The following KIF13A variants were observed in gnomAD, a reference collection of about 807,000 sequenced individuals.
The protein encoded by KIF13A is kinesin-like protein KIF13A.
A neutral mutation model predicts 212.2 loss-of-function variants in KIF13A; 79 were observed. That is an observed-to-expected ratio of 0.37 (90% CI 0.31 to 0.45). KIF13A has a LOEUF of 0.45. Among genes scored for constraint, KIF13A ranks in the 20% least tolerant of loss-of-function variants. The pLI, the probability that KIF13A is intolerant of heterozygous loss-of-function variation, is 1.00. For synonymous variants in KIF13A, 789 were observed against 808.6 expected (o/e 0.98, Z 0.41); for missense variants, 1,901 against 2,209.0 (o/e 0.86, Z 2.79).
In KIF13A at chr6:17,883,628, T is replaced by A. The variant is rs1303520938; in HGVS notation, c.160-10191A>T. Among the ~76,000 whole-genome samples the A allele has an allele frequency of 2.0e-5, 3 of 152,172 alleles. No individual in the cohort carries two copies. Among genetic ancestry groups the A allele is most frequent in the Non-Finnish European group, 4.4e-5 (3 of 68,034 alleles). On this transcript the variant is annotated intron_variant, in intron 3 of 38. Transcript: ENST00000259711. The surrounding 1 kb of genome is among the most constrained non-coding windows in gnomAD (Gnocchi z 4.8). ...TTCCCACTGCTTTCCCAAAAAGACATAAGAAATGACCCTATTCATCTGTAT... is the reference window on the plus strand; with the variant it reads ...TTCCCACTGCTTTCCCAAAAAGACAAAAGAAATGACCCTATTCATCTGTAT...
rs978540464 is a variant in KIF13A, at chr6:17,950,783, C to A, written c.146+36271G>T. 9.2e-6 allele frequency: 9 copies of A among 979,072 alleles called. No individual in the cohort carries two copies. In the African/African-American group the frequency reaches 1.6e-4, roughly 17 times the overall value. 60.6% of individuals were successfully genotyped at this position (979,072 alleles called of 1,614,324 possible). A position where few individuals can be genotyped will look rare whatever the true frequency, so the allele number is the denominator to read the frequency against. ...CTTATCCACCCAACTAGAAAAATCT[C>A]TAATTACTAAAGGACTTTTAAATCT... On this transcript the variant is annotated intron_variant, in intron 2 of 38. Coordinates refer to ENST00000259711, the MANE Select transcript of KIF13A (RefSeq NM_022113.6).
intron 2 of KIF13A, among the ~76,000 whole-genome samples, chr6:17,935,644 G>GCT (rs1776389598): frequency 6.6e-6 from 1 of 152,114 alleles, no homozygotes; most frequent in African/African-American, 2.4e-5. Flanking sequence ...ATAAAATGTA[G>GCT]CTCTCTCTCC....
At chr6:17,964,118 T>C (rs542014077) in intron 2 of KIF13A, among the ~76,000 whole-genome samples, 1 of 152,188 alleles carries the variant, frequency 6.6e-6, no homozygotes, top group African/African-American at 2.4e-5. Flanking sequence ...ACCCTGTCTC[T>C]GAACACCCAC....
rs1767470828 is a variant in KIF13A, at chr6:17,849,984, C to T, written c.717+339G>A. Among the ~76,000 whole-genome samples the T allele has an allele frequency of 2.0e-5, 3 of 152,036 alleles. No individual in the cohort carries two copies. Among genetic ancestry groups the T allele is most frequent in the Middle Eastern group, 3.2e-3 (1 of 314 alleles). On this transcript the variant is annotated intron_variant, in intron 8 of 38. Transcript: ENST00000259711. The surrounding 1 kb of genome is among the most constrained non-coding windows in gnomAD (Gnocchi z 5.7). Reference sequence around the variant, plus strand: ...TGTTAGGGACTTTGCACAAGAAATACAATTATTTTTCTTTTTTGTTTTTGT... The same window carrying T: ...TGTTAGGGACTTTGCACAAGAAATATAATTATTTTTCTTTTTTGTTTTTGT...
At chr6:17,924,385 A>T (rs1158492205) in intron 2 of KIF13A, among the ~76,000 whole-genome samples, 3 of 152,176 alleles carry the variant, frequency 2.0e-5, no homozygotes, top group African/African-American at 7.2e-5. Context: ...GGGCCCAATG[A>T]TACTCTCAAT....
chr6:17,824,785 A>AC, intron 16 of KIF13A, among the ~76,000 whole-genome samples: 1 of 147,740 alleles, frequency 6.8e-6, no homozygotes, highest in Admixed American at 6.7e-5. Context: ...AAAAAACAAA[A>AC]CACCAAAATG....
intron 17 of KIF13A, among the ~76,000 whole-genome samples, chr6:17,814,926 T>C (rs772865835): frequency 7.2e-5 from 11 of 152,262 alleles, no homozygotes; most frequent in Admixed American, 2.6e-4. Flanking sequence ...GACAAAGAGA[T>C]AGAAGAAAAG....
chr6:17,808,730 T>C (rs1021620872), intron 18 of KIF13A, 38 bp downstream of exon 18: 4 of 1,584,088 alleles, frequency 2.5e-6, no homozygotes, highest in Admixed American at 1.8e-5. Flanking sequence ...ATATTTACTA[T>C]TGTGCATCTT....
Position 17,776,136 on chromosome 6 carries a change from C to T in KIF13A, c.4171-1074G>A, listed in dbSNP as rs1270013428. ...CAGGTGATCTGCCCACCTCAGCCTC[C>T]CAAAGTGCTGGGATTATAAGCGTGA... On this transcript the variant is annotated intron_variant, in intron 34 of 38. Coordinates refer to ENST00000259711, the MANE Select transcript of KIF13A (RefSeq NM_022113.6). The surrounding 1 kb of genome is among the most constrained non-coding windows in gnomAD (Gnocchi z 4.6). Among the ~76,000 whole-genome samples the T allele has an allele frequency of 1.3e-5, 2 of 152,140 alleles. No individual in the cohort carries two copies. Among genetic ancestry groups the T allele is most frequent in the African/African-American group, 4.8e-5 (2 of 41,424 alleles).
In KIF13A at chr6:17,914,284, GCT is replaced by G. The variant is rs1166035766; in HGVS notation, c.147-16106_147-16105del. ...CCTTGTTTTTCACTAAAAAAGTGAT[GCT>G]CTCTCTTCTGAAAGTCTTTAAAATA... On this transcript the variant is annotated intron_variant, in intron 2 of 38. Transcript: ENST00000259711. The surrounding 1 kb of genome is among the most constrained non-coding windows in gnomAD (Gnocchi z 5.9). Among the ~76,000 whole-genome samples the G allele has an allele frequency of 1.3e-5, 2 of 152,038 alleles. No homozygotes were observed. Among genetic ancestry groups the G allele is most frequent in the African/African-American group, 2.4e-5 (1 of 41,402 alleles).
At position 17,829,148 on chromosome 6, in the gene KIF13A, T is replaced by C. The variant is rs888417978; in HGVS notation, c.1402-778A>G. Among the ~76,000 whole-genome samples the C allele has an allele frequency of 5.3e-5, 8 of 152,192 alleles. No individual in the cohort carries two copies. Among genetic ancestry groups the C allele is most frequent in the African/African-American group, 1.9e-4 (8 of 41,442 alleles). On this transcript the variant is annotated intron_variant, in intron 13 of 38. Transcript: ENST00000259711. The surrounding 1 kb of genome is among the most constrained non-coding windows in gnomAD (Gnocchi z 5.4). ...TTTAGTACAGATGGGGGTTTCACCA[T>C]GTTCGCCAGCCTGGTCTTGAACTCC...
rs774293208 is a variant in KIF13A, at chr6:17,829,147, A to G, written c.1402-777T>C. Among the ~76,000 whole-genome samples, 2 of 152,148 alleles carry G rather than the reference A, an allele frequency of 1.3e-5. No homozygotes were observed. Among genetic ancestry groups the G allele is most frequent in the Non-Finnish European group, 2.9e-5 (2 of 68,024 alleles). On this transcript the variant is annotated intron_variant, in intron 13 of 38. Coordinates refer to ENST00000259711, the MANE Select transcript of KIF13A (RefSeq NM_022113.6). The surrounding 1 kb of genome is among the most constrained non-coding windows in gnomAD (Gnocchi z 5.4). ...TTTTAGTACAGATGGGGGTTTCACC[A>G]TGTTCGCCAGCCTGGTCTTGAACTC...
rs761883927 is a variant in KIF13A, at chr6:17,825,901, C to A, written c.1653G>T (p.Trp551Cys). 7 of 1,613,978 alleles carry A rather than the reference C, an allele frequency of 4.3e-6. No homozygotes were observed. In the East Asian group the frequency reaches 1.6e-4, roughly 36 times the overall value. Residue 551 changes from tryptophan to cysteine, a missense_variant, in exon 16 of 39, where the codon TGG (tryptophan) becomes TGT (cysteine). By Grantham distance (215) the Trp-to-Cys change is radical. Coordinates refer to ENST00000259711, the MANE Select transcript of KIF13A (RefSeq NM_022113.6). This position sits in a 1 kb window ranked among gnomAD's most constrained non-coding sequence, Gnocchi z 4.5. Reference sequence around the variant, plus strand: ...CCGTTTCTTTTTCAAAGTCTTTCAACCAATCTCGACGTTTCCTCTTAGGTA... The same window carrying A: ...CCGTTTCTTTTTCAAAGTCTTTCAAACAATCTCGACGTTTCCTCTTAGGTA... ...INLPKRKRRD[W>C]LKDFEKETGP... is the part of the protein sequence containing the mutation.
chr6:17,941,531 T>C (rs1776954802), intron 2 of KIF13A, among the ~76,000 whole-genome samples: 1 of 152,072 alleles, frequency 6.6e-6, no homozygotes, highest in Non-Finnish European at 1.5e-5. Flanking sequence ...GCATTATGAC[T>C]GGTGTCTTTA....
chr6:17,984,418 T>G lies in KIF13A; in HGVS notation c.146+2636A>C, dbSNP rs1781371447. 4 of 508,366 alleles carry G rather than the reference T, an allele frequency of 7.9e-6. No individual in the cohort carries two copies. Among genetic ancestry groups the G allele is most frequent in the Non-Finnish European group, 1.0e-5 (4 of 393,938 alleles). 31.5% of individuals were successfully genotyped at this position (508,366 alleles called of 1,614,324 possible). On this transcript the variant is annotated intron_variant, in intron 2 of 38. Transcript: ENST00000259711. The surrounding 1 kb of genome is among the most constrained non-coding windows in gnomAD (Gnocchi z 5.0). Reference sequence around the variant, plus strand: ...TAATGTTTCAGAATGGTGATCAGTATACATATCAACTACTAACCTGGACCT... The same window carrying G: ...TAATGTTTCAGAATGGTGATCAGTAGACATATCAACTACTAACCTGGACCT...
intron 3 of KIF13A, among the ~76,000 whole-genome samples, chr6:17,891,260 C>G (rs981545166): frequency 1.3e-5 from 2 of 152,122 alleles, no homozygotes; most frequent in African/African-American, 4.8e-5. Context: ...TTTCTCCACT[C>G]AAGAGTGCAA....
chr6:17,887,739 G>A (rs1485040373), intron 3 of KIF13A, among the ~76,000 whole-genome samples: 1 of 152,042 alleles, frequency 6.6e-6, no homozygotes, highest in Non-Finnish European at 1.5e-5. Flanking sequence ...TGTTGCCCAG[G>A]CTACAGTGCA....
chr6:17,791,369 CTTT>C (rs757391141), intron 25 of KIF13A, among the ~76,000 whole-genome samples: 1 of 135,706 alleles, frequency 7.4e-6, no homozygotes, highest in Non-Finnish European at 1.6e-5. Flanking sequence ...GAGAATAATT[CTTT>C]TTTTTTTTTT....
In KIF13A at chr6:17,919,614, T is replaced by C. The variant is rs529148017; in HGVS notation, c.147-21434A>G. 1.8e-4 allele frequency among the ~76,000 whole-genome samples: 28 copies of C among 152,332 alleles called. No individual in the cohort carries two copies. Among genetic ancestry groups the C allele is most frequent in the Admixed American group, 7.8e-4 (12 of 15,298 alleles). On this transcript the variant is annotated intron_variant, in intron 2 of 38. Transcript: ENST00000259711. The surrounding 1 kb of genome is among the most constrained non-coding windows in gnomAD (Gnocchi z 4.1). Reference sequence around the variant, plus strand: ...ATGTCTCCACTCCTAATGCACTCAGTGGCTGCTTTACCTACCCTGATTTGA... The same window carrying C: ...ATGTCTCCACTCCTAATGCACTCAGCGGCTGCTTTACCTACCCTGATTTGA...
Sources: allele counts gnomAD v4.1 joint callset (sites outside exome capture counted in the v4.1 genomes callset), GRCh38; gene constraint gnomAD v4.1.1; non-coding constraint Gnocchi (gnomAD v3.1); transcripts MANE v1.5; gene names NCBI Gene and HGNC (gene_info 2026-07-23, HGNC 2026-07-21).